Variants in ARHGAP10 observed in about 807,000 individuals in gnomAD.
ARHGAP10 encodes the protein Rho GTPase activating protein 10.
Under a neutral mutation model 108.6 loss-of-function variants are expected in ARHGAP10, and 87 were observed. The observed-to-expected ratio is 0.80, with a 90% confidence interval of 0.67 to 0.96. ARHGAP10 has a LOEUF of 0.96. Ranked by LOEUF, ARHGAP10 falls within the 40% of genes least tolerant of loss-of-function variation. The pLI, the probability that ARHGAP10 is intolerant of heterozygous loss-of-function variation, is 0.00. For missense variants in ARHGAP10, 939 were observed against 954.5 expected (o/e 0.98, Z 0.21); for synonymous variants, 347 against 341.1 (o/e 1.02, Z -0.19).
At chr4:147,942,577 C>G (rs1474547802) in intron 14 of ARHGAP10, among the ~76,000 whole-genome samples, 2 of 152,122 alleles carry the variant, frequency 1.3e-5, no homozygotes, top group Non-Finnish European at 2.9e-5. Flanking sequence ...CACTATCCTT[C>G]TCTCCGTCCT....
At chr4:148,021,523 A>G (rs1741566207) in intron 18 of ARHGAP10, among the ~76,000 whole-genome samples, 1 of 152,224 alleles carries the variant, frequency 6.6e-6, no homozygotes, top group African/African-American at 2.4e-5. Context: ...AACATCAAAC[A>G]TATTAGTAGG....
chr4:147,839,451 T>A (rs1252436270), intron 3 of ARHGAP10, among the ~76,000 whole-genome samples: 1 of 152,222 alleles, frequency 6.6e-6, no homozygotes, highest in East Asian at 1.9e-4. Context: ...TGTTTCACTA[T>A]ACTCAGCCTA....
At chr4:147,936,598 G>A (rs2126957084) in intron 13 of ARHGAP10, among the ~76,000 whole-genome samples, 1 of 152,038 alleles carries the variant, frequency 6.6e-6, no homozygotes, top group Middle Eastern at 3.4e-3. Flanking sequence ...CAAAGTGCTG[G>A]GATTACAGGC....
intron 19 of ARHGAP10, among the ~76,000 whole-genome samples, chr4:148,040,153 G>A (rs374656641): frequency 6.6e-6 from 1 of 152,158 alleles, no homozygotes; most frequent in Admixed American, 6.5e-5. Flanking sequence ...CCAGCACAAT[G>A]TTCTTGTCCT....
rs567183669 is a variant in ARHGAP10, at chr4:147,799,448, G to T, written c.155-23279G>T. Reference sequence around the variant, plus strand: ...GCCCTATTCTCTTTTTCCTCTTGGGGCTCAATGATACAAGGCTGGATGTTT... The same window carrying T: ...GCCCTATTCTCTTTTTCCTCTTGGGTCTCAATGATACAAGGCTGGATGTTT... On this transcript the variant is annotated intron_variant, in intron 1 of 22. Transcript: ENST00000336498. 3.9e-5 allele frequency among the ~76,000 whole-genome samples: 6 copies of T among 152,118 alleles called. No homozygotes were observed. The South Asian group carries it at 1.2e-3, about 32-fold the overall frequency.
chr4:147,969,002 A>G (rs1009038355), intron 18 of ARHGAP10, among the ~76,000 whole-genome samples: 2 of 152,242 alleles, frequency 1.3e-5, no homozygotes, highest in Non-Finnish European at 2.9e-5. Context: ...CCTTGAGGCC[A>G]GAGATCTTTT....
intron 1 of ARHGAP10, among the ~76,000 whole-genome samples, chr4:147,738,829 G>A (rs900526076): frequency 6.6e-6 from 1 of 152,118 alleles, no homozygotes; most frequent in African/African-American, 2.4e-5. Context: ...AGACAAAATT[G>A]TCAAACCCTG....
At chr4:147,877,610 C>T (rs1193074236) in intron 8 of ARHGAP10, among the ~76,000 whole-genome samples, 1 of 152,090 alleles carries the variant, frequency 6.6e-6, no homozygotes, top group Non-Finnish European at 1.5e-5. Context: ...TCAACTTCTG[C>T]TGGGCCTAAC....
intron 1 of ARHGAP10, among the ~76,000 whole-genome samples, chr4:147,814,823 A>AT (rs1363757920): frequency 1.3e-5 from 2 of 152,088 alleles, no homozygotes; most frequent in Admixed American, 6.6e-5. Context: ...TAATGACCTC[A>AT]TTTTAACTGA....
At chr4:147,955,203 G>A (rs1560843616) in intron 15 of ARHGAP10, 113 bp from the exon 16 acceptor site, 2 of 1,010,234 alleles carry the variant, frequency 2.0e-6, no homozygotes, top group Non-Finnish European at 1.5e-6. Context: ...CCCTAGGGAA[G>A]TTTTACACAT....
intron 1 of ARHGAP10, among the ~76,000 whole-genome samples, chr4:147,751,279 T>TG (rs1361412118): frequency 1.3e-5 from 2 of 152,304 alleles, no homozygotes; most frequent in African/African-American, 4.8e-5. Context: ...TAGCTATTGT[T>TG]AAACATTATC....
chr4:147,953,233 G>C (rs1292671107), intron 15 of ARHGAP10, among the ~76,000 whole-genome samples: 11 of 151,924 alleles, frequency 7.2e-5, no homozygotes, highest in Admixed American at 6.6e-4. Context: ...TTCTCATAAT[G>C]CCTTTCTCAT....
At chr4:147,888,730 A>G (rs1400948995) in intron 10 of ARHGAP10, among the ~76,000 whole-genome samples, 1 of 152,118 alleles carries the variant, frequency 6.6e-6, no homozygotes, top group Non-Finnish European at 1.5e-5. Context: ...TTACCAGTAG[A>G]TACTGTTTGG....
In ARHGAP10 at chr4:147,732,400, C is replaced by G. The variant is rs767578360; in HGVS notation, c.99C>G (p.Asn33Lys). ...RAHEAELERT[N>K]KFIKELIKDG... ...ACGAAGCGGAACTCGAGAGGACCAACAAGTTCATCAAAGAGCTCATTAAGG... is the reference window on the plus strand; with the variant it reads ...ACGAAGCGGAACTCGAGAGGACCAAGAAGTTCATCAAAGAGCTCATTAAGG... Residue 33 changes from asparagine to lysine, a missense_variant, in exon 1 of 23, where the codon AAC (asparagine) becomes AAG (lysine). Transcript: ENST00000336498. 6.2e-7 allele frequency: 1 copy of G among 1,613,344 alleles called. No homozygotes were observed. The highest frequency in any genetic ancestry group is 1.1e-5 in the South Asian group (1 of 90,996).
intron 1 of ARHGAP10, among the ~76,000 whole-genome samples, chr4:147,786,941 C>T (rs1383929787): frequency 6.6e-6 from 1 of 152,216 alleles, no homozygotes; most frequent in African/African-American, 2.4e-5. Context: ...TCCCTGGACT[C>T]AGTTTAGAGG....
chr4:147,944,225 C>T (rs1738283089), intron 14 of ARHGAP10, among the ~76,000 whole-genome samples: 1 of 152,176 alleles, frequency 6.6e-6, no homozygotes, highest in African/African-American at 2.4e-5. Flanking sequence ...CACCTTTAAT[C>T]AGGGGGCTTA....
rs192168091 is a variant in ARHGAP10, at chr4:147,842,329, T to C, written c.313-4822T>C. ...TTCTCCAAATGAAGGAAAAATATAA[T>C]GACCTAAGATTGCTCTTGTGTAATC... On this transcript the variant is annotated intron_variant, in intron 3 of 22. Coordinates refer to ENST00000336498, the MANE Select transcript of ARHGAP10 (RefSeq NM_024605.4). 3.3e-4 allele frequency among the ~76,000 whole-genome samples: 51 copies of C among 152,350 alleles called. 1 individual carries two copies. Among genetic ancestry groups the C allele is most frequent in the African/African-American group, 1.0e-3 (42 of 41,582 alleles).
At chr4:148,028,737 G>A (rs959949099) in intron 19 of ARHGAP10, among the ~76,000 whole-genome samples, 1 of 152,202 alleles carries the variant, frequency 6.6e-6, no homozygotes, top group African/African-American at 2.4e-5. Flanking sequence ...GTAAAAGGCT[G>A]ATGAAGTAAT....
At chr4:147,853,229 C>A (rs1391350191) in intron 4 of ARHGAP10, among the ~76,000 whole-genome samples, 5 of 152,146 alleles carry the variant, frequency 3.3e-5, no homozygotes, top group African/African-American at 1.2e-4. Flanking sequence ...AGTAGATACC[C>A]AGAAGGAATC....
Sources: gnomAD v4.1 joint callset for allele counts (sites outside exome capture counted in the v4.1 genomes callset) on GRCh38, gnomAD v4.1.1 for gene constraint, MANE v1.5 for transcripts, NCBI Gene and HGNC (gene_info 2026-07-23, HGNC 2026-07-21) for gene names.